TTC19: variants seen among roughly 807,000 people sequenced by gnomAD.
The protein encoded by TTC19 is tetratricopeptide repeat protein 19, mitochondrial.
In TTC19, 38 loss-of-function variants were observed where a neutral mutation model predicts 49.5. The observed-to-expected ratio is 0.77, with a 90% CI of 0.59 to 1.01. The LOEUF is 1.01. TTC19 is among the 50% of genes least tolerant of loss of function. The pLI is 0.00. For synonymous variants in TTC19, 204 were observed against 185.2 expected (o/e 1.10, Z -0.83); for missense variants, 475 against 477.7 (o/e 0.99, Z 0.05).
intron 2 of TTC19, among the ~76,000 whole-genome samples, chr17:16,038,406 CTG>C (rs2151950580): frequency 6.6e-6 from 1 of 151,316 alleles, no homozygotes; most frequent in South Asian, 2.1e-4. Context: ...ATCTGAAGAA[CTG>C]TTTCTTTTTC....
At chr17:16,039,316 G>A in intron 2 of TTC19, 1 of 962,182 alleles carries the variant, frequency 1.0e-6, no homozygotes, top group Non-Finnish European at 1.5e-6. Flanking sequence ...ACCCTAAGAG[G>A]TGACTCTGAG....
chr17:16,039,760 G>A (rs2057192755), intron 2 of TTC19: 1 of 996,980 alleles, frequency 1.0e-6, no homozygotes, highest in African/African-American at 1.6e-5. Context: ...CTTGGCAAGT[G>A]ACCTAGAACA....
chr17:16,035,334 G>T lies in TTC19; in HGVS notation c.247+8632G>T, dbSNP rs1343094176. Among the ~76,000 whole-genome samples the T allele has an allele frequency of 2.0e-5, 3 of 152,034 alleles. No individual in the cohort carries two copies. The East Asian group carries it at 5.8e-4, about 29-fold the overall frequency. On this transcript the variant is annotated intron_variant, in intron 2 of 2. Transcript: ENST00000470649. ...CCTCAAACCCTTCTTTATTAACTGG[G>T]TTTATGTAATGTAGTATTCTAAATC...
At chr17:16,020,683 C>G (rs1014503418) in intron 7 of TTC19, among the ~76,000 whole-genome samples, 5 of 151,950 alleles carry the variant, frequency 3.3e-5, no homozygotes, top group African/African-American at 9.7e-5. Flanking sequence ...CCCCCACCCC[C>G]CAAGAGACAA....
intron 7 of TTC19, among the ~76,000 whole-genome samples, chr17:16,014,047 T>C (rs1188113949): frequency 2.0e-5 from 3 of 152,176 alleles, no homozygotes; most frequent in Admixed American, 6.5e-5. Flanking sequence ...TCCTCACTCA[T>C]GTATTGGCTT....
At chr17:16,034,719 A>G (rs1973790473) in intron 2 of TTC19, 9 of 1,477,830 alleles carry the variant, frequency 6.1e-6, no homozygotes, top group East Asian at 2.3e-5. Flanking sequence ...CAAGACATTG[A>G]TATTATTGCT....
intron 6 of TTC19, 29 bp downstream of exon 6, chr17:16,004,291 G>A (rs756423706): frequency 1.2e-6 from 2 of 1,605,954 alleles, no homozygotes; most frequent in Non-Finnish European, 1.7e-6. Flanking sequence ...GAGTAGGACT[G>A]TGGGCAGGAA....
chr17:16,024,969 TG>T, intron 7 of TTC19, 47 bp from the exon 8 acceptor site: 2 of 1,593,702 alleles, frequency 1.3e-6, no homozygotes, highest in Non-Finnish European at 1.7e-6. Flanking sequence ...TTGTGGGTCC[TG>T]GTAACAACCA....
intron 2 of TTC19, among the ~76,000 whole-genome samples, chr17:16,044,168 CAAAAAA>C (rs34691717): frequency 1.2e-5 from 1 of 82,796 alleles, no homozygotes; most frequent in Non-Finnish European, 2.3e-5. Context: ...GACTCCATCT[CAAAAAA>C]AAAAAAAAAA....
At chr17:16,015,559 TTTTTA>T in intron 7 of TTC19, among the ~76,000 whole-genome samples, 1 of 152,262 alleles carries the variant, frequency 6.6e-6, no homozygotes, top group Admixed American at 6.5e-5. Context: ...TCCTTGAAAG[TTTTTA>T]TTTTCATATA....
intron 7 of TTC19, among the ~76,000 whole-genome samples, chr17:16,014,894 C>T (rs1188094431): frequency 6.6e-6 from 1 of 152,094 alleles, no homozygotes; most frequent in Admixed American, 6.6e-5. Context: ...GTCTTATATC[C>T]AATTTGGTAC....
At chr17:16,042,119 C>T (rs2057819643) in intron 2 of TTC19, among the ~76,000 whole-genome samples, 1 of 150,810 alleles carries the variant, frequency 6.6e-6, no homozygotes, top group South Asian at 2.1e-4. Flanking sequence ...AGTGCATGTG[C>T]CTAGAAACAA....
intron 2 of TTC19, chr17:16,039,167 G>A (rs2057072832): frequency 4.4e-6 from 2 of 450,692 alleles, no homozygotes; most frequent in South Asian, 5.3e-5. Context: ...AGTATGTATA[G>A]ATGAGGACTA....
At chr17:16,034,476 T>G (rs1487529203) in intron 2 of TTC19, among the ~76,000 whole-genome samples, 1 of 152,048 alleles carries the variant, frequency 6.6e-6, no homozygotes, top group Admixed American at 6.6e-5. Context: ...GGCATGGTCG[T>G]GCACGCCTGT....
At chr17:16,032,621 C>T (rs1048338070), downstream of TTC19, 19 of 751,060 alleles carry the variant, frequency 2.5e-5, no homozygotes, top group Admixed American at 1.3e-4. Flanking sequence ...GAATACAACA[C>T]GGAATGGCCA....
chr17:16,017,448 CAAAAAAAAAA>C, intron 7 of TTC19, among the ~76,000 whole-genome samples: 1 of 53,712 alleles, frequency 1.9e-5, no homozygotes, highest in African/African-American at 5.2e-5. Flanking sequence ...GACTCCGGCT[CAAAAAAAAAA>C]AAAAAAAAAA....
At chr17:16,015,096 G>A (rs555521526) in intron 7 of TTC19, among the ~76,000 whole-genome samples, 8 of 152,110 alleles carry the variant, frequency 5.3e-5, no homozygotes, top group Admixed American at 2.0e-4. Context: ...ATTTGTTATC[G>A]CAGGATTGTT....
At chr17:16,029,986 G>A (rs1295898408), downstream of TTC19, 1 of 165,562 alleles carries the variant, frequency 6.0e-6, no homozygotes, top group Non-Finnish European at 1.3e-5. Flanking sequence ...GGAGTTAGGG[G>A]CATAGACCCC....
intron 6 of TTC19, 117 bp downstream of exon 6, chr17:16,004,379 A>C (rs1970831146): frequency 1.1e-6 from 1 of 945,322 alleles, no homozygotes; most frequent in African/African-American, 1.6e-5. Flanking sequence ...TGTCACACTC[A>C]AAGTGTTCCA....
Sources: gnomAD v4.1 joint callset for allele counts (sites outside exome capture counted in the v4.1 genomes callset) on GRCh38, gnomAD v4.1.1 for gene constraint, MANE v1.5 for transcripts, NCBI Gene and HGNC (gene_info 2026-07-23, HGNC 2026-07-21) for gene names.